Variants in MRPL48 observed in about 807,000 individuals in gnomAD.
The protein encoded by MRPL48 is large ribosomal subunit protein mL48.
A neutral mutation model predicts 32.9 loss-of-function variants in MRPL48; 16 were observed. That is an observed-to-expected ratio of 0.49 (90% confidence interval 0.33 to 0.74). The LOEUF is 0.74. Ranked by LOEUF, MRPL48 falls within the 30% of genes least tolerant of loss-of-function variation. MRPL48 has a pLI of 0.02. For missense variants in MRPL48, 206 were observed against 245.3 expected (o/e 0.84, Z 1.07); for synonymous variants, 94 against 89.2 (o/e 1.05, Z -0.31).
intron 4 of MRPL48, among the ~76,000 whole-genome samples, chr11:73,826,609 G>T (rs1411504033): frequency 6.6e-6 from 1 of 151,972 alleles, no homozygotes; most frequent in Non-Finnish European, 1.5e-5. Flanking sequence ...CTCCCAAGTG[G>T]CAGGGATTAT....
chr11:73,848,441 A>C (rs1415933536), intron 5 of MRPL48, among the ~76,000 whole-genome samples: 1 of 149,480 alleles, frequency 6.7e-6, no homozygotes, highest in East Asian at 1.9e-4. Flanking sequence ...TTTCCATAAA[A>C]ATTTTTAGAA....
intron 6 of MRPL48, among the ~76,000 whole-genome samples, chr11:73,861,189 A>G (rs1030181996): frequency 1.3e-5 from 2 of 152,310 alleles, no homozygotes; most frequent in African/African-American, 4.8e-5. Context: ...GGCTTTTTAA[A>G]TATTATCAGG....
intron 4 of MRPL48, among the ~76,000 whole-genome samples, chr11:73,827,245 A>G (rs1205891104): frequency 6.6e-6 from 1 of 151,032 alleles, no homozygotes; most frequent in African/African-American, 2.4e-5. Flanking sequence ...TTAGCTGGGT[A>G]TGGTGGCGCG....
intron 1 of MRPL48, among the ~76,000 whole-genome samples, chr11:73,788,284 C>T (rs1045635200): frequency 1.3e-5 from 2 of 152,074 alleles, no homozygotes; most frequent in African/African-American, 4.8e-5. Context: ...CGATGGGAAT[C>T]ACGACACCAG....
intron 3 of MRPL48, among the ~76,000 whole-genome samples, chr11:73,815,272 C>T (rs187309611): frequency 4.2e-4 from 64 of 151,976 alleles, no homozygotes; most frequent in African/African-American, 1.4e-3. Context: ...AAAAATTAGC[C>T]GGGCGTGGTG....
intron 5 of MRPL48, among the ~76,000 whole-genome samples, chr11:73,848,091 T>A (rs1349778389): frequency 6.6e-6 from 1 of 152,210 alleles, no homozygotes; most frequent in Non-Finnish European, 1.5e-5. Flanking sequence ...TTTCCTATGT[T>A]TTCTCCTAGA....
chr11:73,831,318 A>G (rs1180837106), intron 4 of MRPL48, among the ~76,000 whole-genome samples: 1 of 152,130 alleles, frequency 6.6e-6, no homozygotes, highest in Non-Finnish European at 1.5e-5. Flanking sequence ...GCTCGCTTAC[A>G]GTATGTACCT....
chr11:73,804,591 GC>G (rs1947417945), intron 1 of MRPL48, among the ~76,000 whole-genome samples: 1 of 152,176 alleles, frequency 6.6e-6, no homozygotes. Context: ...CCTCTTAGCA[GC>G]TTATTAGGTA....
chr11:73,851,985 CATAATT>C (rs1948400394), intron 5 of MRPL48, among the ~76,000 whole-genome samples: 1 of 151,720 alleles, frequency 6.6e-6, no homozygotes, highest in African/African-American at 2.4e-5. Context: ...TACCGAGAGA[CATAATT>C]ATAACATAAT....
chr11:73,824,256 T>C (rs1947843448), intron 3 of MRPL48, among the ~76,000 whole-genome samples: 1 of 152,180 alleles, frequency 6.6e-6, no homozygotes, highest in African/African-American at 2.4e-5. Flanking sequence ...TGTTGGAGGC[T>C]GTTTTCAGAT....
At chr11:73,789,575 T>C (rs985262073) in intron 1 of MRPL48, 11 of 152,254 alleles carry the variant, frequency 7.2e-5, no homozygotes, top group Non-Finnish European at 2.9e-5. Flanking sequence ...TCTCTTGTTA[T>C]GACCTTGGGC....
chr11:73,799,202 A>T (rs1277995339), intron 1 of MRPL48, among the ~76,000 whole-genome samples: 1 of 152,074 alleles, frequency 6.6e-6, no homozygotes, highest in Admixed American at 6.6e-5. Flanking sequence ...CAAAGAAAAA[A>T]TTAGCCGAGT....
At chr11:73,857,910 G>T (rs1021926312) in intron 5 of MRPL48, among the ~76,000 whole-genome samples, 1 of 152,014 alleles carries the variant, frequency 6.6e-6, no homozygotes, top group African/African-American at 2.4e-5. Context: ...TGCCCATCAG[G>T]GTGCCTAGAA....
chr11:73,811,412 A>G (rs1947564203), intron 3 of MRPL48, among the ~76,000 whole-genome samples: 2 of 151,970 alleles, frequency 1.3e-5, no homozygotes, highest in African/African-American at 2.4e-5. Flanking sequence ...AAATATTGGC[A>G]GGAACTGAAG....
At chr11:73,851,668 GTTCT>G (rs1256820174) in intron 5 of MRPL48, among the ~76,000 whole-genome samples, 2 of 152,010 alleles carry the variant, frequency 1.3e-5, no homozygotes, top group Non-Finnish European at 2.9e-5. Context: ...TGGGGACTGT[GTTCT>G]TTGTTTCTTT....
chr11:73,844,759 T>C, intron 4 of MRPL48, 48 bp from the exon 5 acceptor site: 7 of 1,540,716 alleles, frequency 4.5e-6, no homozygotes, highest in Non-Finnish European at 6.1e-6. Flanking sequence ...ATTATTAGAA[T>C]TTCTTGTATA....
intron 5 of MRPL48, among the ~76,000 whole-genome samples, chr11:73,857,634 G>A (rs778309150): frequency 2.4e-4 from 30 of 126,860 alleles, no homozygotes; most frequent in Non-Finnish European, 3.9e-4. Context: ...TTGCTCTGTC[G>A]CCCAGGCTGG....
At chr11:73,853,063 G>A (rs1473574183) in intron 5 of MRPL48, among the ~76,000 whole-genome samples, 4 of 152,170 alleles carry the variant, frequency 2.6e-5, no homozygotes, top group Non-Finnish European at 5.9e-5. Context: ...TGAACTCAGA[G>A]ATAGAGAGTA....
At chr11:73,793,861 T>G (rs1037304061) in intron 1 of MRPL48, among the ~76,000 whole-genome samples, 6 of 150,280 alleles carry the variant, frequency 4.0e-5, no homozygotes, top group African/African-American at 7.3e-5. Context: ...GTTTCGTGTT[T>G]TTTTTTTTTT....
Sources: allele counts gnomAD v4.1 joint callset (sites outside exome capture counted in the v4.1 genomes callset), GRCh38; gene constraint gnomAD v4.1.1; transcripts MANE v1.5; gene names NCBI Gene and HGNC (gene_info 2026-07-23, HGNC 2026-07-21).